KHDRBS2: variants seen among roughly 807,000 people sequenced by gnomAD.
KHDRBS2 encodes KH RNA binding domain containing, signal transduction associated 2, also known as KH domain-containing, RNA-binding, signal transduction-associated protein 2.
Under a neutral mutation model 44.3 loss-of-function variants are expected in KHDRBS2, and 26 were observed. The observed-to-expected ratio is 0.59, with a 90% CI of 0.43 to 0.81. The LOEUF is 0.81. Ranked by LOEUF, KHDRBS2 falls within the 40% of genes least tolerant of loss-of-function variation. The pLI, the probability that KHDRBS2 is intolerant of heterozygous loss-of-function variation, is 0.00. For missense variants in KHDRBS2, 476 were observed against 433.1 expected (o/e 1.10, Z -0.88); for synonymous variants, 194 against 151.1 (o/e 1.28, Z -2.08).
At chr6:61,618,317 C>A in the KHDRBS2 span, among the ~76,000 whole-genome samples, 5 of 152,140 alleles carry the variant, frequency 3.3e-5, no homozygotes, top group Non-Finnish European at 5.9e-5. Flanking sequence ...ATACATGGAA[C>A]ATTCTTTAGG....
chr6:62,224,610 A>G (rs1322227935), intron 1 of KHDRBS2, among the ~76,000 whole-genome samples: 1 of 152,208 alleles, frequency 6.6e-6, no homozygotes, highest in Non-Finnish European at 1.5e-5. Flanking sequence ...TTTGGCATAC[A>G]CAATTTTCTC....
chr6:61,577,559 G>A, the KHDRBS2 span, among the ~76,000 whole-genome samples: 4 of 152,038 alleles, frequency 2.6e-5, no homozygotes, highest in South Asian at 8.3e-4. Flanking sequence ...GTTTATATAG[G>A]ATGATATGAA....
chr6:61,845,510 C>T (rs1430978967), intron 6 of KHDRBS2, among the ~76,000 whole-genome samples: 1 of 152,136 alleles, frequency 6.6e-6, no homozygotes, highest in South Asian at 2.1e-4. Flanking sequence ...GGGTTTCACC[C>T]ATGTTGGCCA....
chr6:62,219,740 C>T (rs1252111045), intron 1 of KHDRBS2, among the ~76,000 whole-genome samples: 2 of 149,676 alleles, frequency 1.3e-5, no homozygotes, highest in Non-Finnish European at 1.5e-5. Flanking sequence ...GTATCTAGGG[C>T]TGAAGTTGCA....
intron 2 of KHDRBS2, among the ~76,000 whole-genome samples, chr6:62,072,324 A>G (rs1360129953): frequency 6.6e-6 from 1 of 152,092 alleles, no homozygotes; most frequent in Non-Finnish European, 1.5e-5. Flanking sequence ...TTAATTGAAT[A>G]TCCTTTTATT....
rs1376533221 is a variant in KHDRBS2, at chr6:61,860,218, G to C, written c.810+34417C>G. Among the ~76,000 whole-genome samples, 4 of 152,084 alleles carry C rather than the reference G, an allele frequency of 2.6e-5. No homozygotes were observed. The South Asian group carries it at 6.2e-4, about 24-fold the overall frequency. On this transcript the variant is annotated intron_variant, in intron 6 of 8. Transcript: ENST00000281156. ...CAAAGATGAAGTTTAAAAGCAACCA[G>C]AGACACAAAAATTCCCCACAAGAAG... is the stretch of plus-strand genomic sequence containing the variant.
chr6:61,889,803 T>C (rs1237563336), intron 6 of KHDRBS2, among the ~76,000 whole-genome samples: 1 of 152,160 alleles, frequency 6.6e-6, no homozygotes, highest in Admixed American at 6.5e-5. Flanking sequence ...TTGCTACCTC[T>C]CCCTCACACA....
intron 2 of KHDRBS2, among the ~76,000 whole-genome samples, chr6:62,138,276 T>C (rs976094449): frequency 6.6e-6 from 1 of 152,250 alleles, no homozygotes; most frequent in Non-Finnish European, 1.5e-5. Flanking sequence ...TGCCACTGTT[T>C]TTCAACAGCT....
intron 2 of KHDRBS2, among the ~76,000 whole-genome samples, chr6:62,159,023 C>G (rs372513736): frequency 6.6e-6 from 1 of 151,754 alleles, no homozygotes; most frequent in African/African-American, 2.4e-5. Context: ...GCCATGTGAC[C>G]GTCATACAGA....
At chr6:62,126,950 G>A (rs1217285330) in intron 2 of KHDRBS2, among the ~76,000 whole-genome samples, 1 of 152,114 alleles carries the variant, frequency 6.6e-6, no homozygotes, top group African/African-American at 2.4e-5. Flanking sequence ...GAGTTATTTA[G>A]TTCTATCTTT....
chr6:61,992,599 G>A (rs1776337747), intron 3 of KHDRBS2, among the ~76,000 whole-genome samples: 1 of 152,170 alleles, frequency 6.6e-6, no homozygotes, highest in South Asian at 2.1e-4. Context: ...TCTGATGTGT[G>A]TGTGTGTGTG....
intron 1 of KHDRBS2, among the ~76,000 whole-genome samples, chr6:62,196,217 T>C (rs1381237884): frequency 2.6e-5 from 4 of 152,162 alleles, no homozygotes; most frequent in South Asian, 2.1e-4. Flanking sequence ...GAATCTCCTA[T>C]AGAATAAGTT....
intron 6 of KHDRBS2, among the ~76,000 whole-genome samples, chr6:61,748,503 A>C (rs529923562): frequency 1.3e-5 from 2 of 152,286 alleles, no homozygotes; most frequent in South Asian, 4.1e-4. Flanking sequence ...TAAGTTTCAC[A>C]TAAGATGTCT....
intron 1 of KHDRBS2, among the ~76,000 whole-genome samples, chr6:62,199,689 C>T (rs1032277147): frequency 6.6e-6 from 1 of 152,190 alleles, no homozygotes; most frequent in African/African-American, 2.4e-5. Flanking sequence ...AATGCCATCC[C>T]CATCAAGCTA....
At chr6:62,067,933 T>C (rs942813985) in intron 2 of KHDRBS2, among the ~76,000 whole-genome samples, 67 of 151,638 alleles carry the variant, frequency 4.4e-4, no homozygotes, top group African/African-American at 1.6e-3. Context: ...TGTGGATATA[T>C]TTTGTCTATT....
At chr6:61,790,237 A>C (rs779091645) in intron 6 of KHDRBS2, among the ~76,000 whole-genome samples, 13 of 151,390 alleles carry the variant, frequency 8.6e-5, no homozygotes, top group Non-Finnish European at 1.2e-4. Context: ...TTGGGTGCTC[A>C]CCAGAGTGCT....
the KHDRBS2 span, among the ~76,000 whole-genome samples, chr6:61,608,650 C>A: frequency 1.8e-3 from 278 of 150,652 alleles, 1 homozygote; most frequent in African/African-American, 6.0e-3. Context: ...CATGTGTTCT[C>A]ATTGTTCAAC....
chr6:61,942,752 G>C (rs1238225186), intron 4 of KHDRBS2, among the ~76,000 whole-genome samples: 1 of 152,040 alleles, frequency 6.6e-6, no homozygotes, highest in Non-Finnish European at 1.5e-5. Context: ...GTATAAAGAG[G>C]TCCTCTCTAC....
intron 1 of KHDRBS2, among the ~76,000 whole-genome samples, chr6:62,214,225 T>C (rs1456162122): frequency 1.3e-5 from 2 of 152,150 alleles, no homozygotes; most frequent in Non-Finnish European, 2.9e-5. Flanking sequence ...GATATACCCT[T>C]TACTTTTTCA....
Sources: allele counts gnomAD v4.1 joint callset (sites outside exome capture counted in the v4.1 genomes callset), GRCh38; gene constraint gnomAD v4.1.1; transcripts MANE v1.5; gene names NCBI Gene and HGNC (gene_info 2026-07-23, HGNC 2026-07-21).